The following HECTD4 variants were observed in gnomAD, a reference collection of about 807,000 sequenced individuals.
The protein encoded by HECTD4 is HECT domain E3 ubiquitin protein ligase 4.
Under a neutral mutation model 471.5 loss-of-function variants are expected in HECTD4, and 114 were observed. The ratio of observed to expected loss-of-function variants is 0.24; its 90% CI spans 0.21 to 0.28. The LOEUF is 0.28. Among genes scored for constraint, HECTD4 ranks in the 10% least tolerant of loss-of-function variants. HECTD4 has a pLI of 1.00. For missense variants in HECTD4, 3,866 were observed against 5,651.5 expected, an observed-to-expected ratio of 0.68 and a Z score of 10.13; for synonymous variants, 2,012 against 2,256.0, an observed-to-expected ratio of 0.89 and a Z score of 3.07.
Position 112,213,789 on chromosome 12 carries a change from A to G in HECTD4, c.7466-1139T>C, listed in dbSNP as rs985906999. On this transcript the variant is annotated intron_variant, in intron 48 of 75. Coordinates refer to ENST00000682272, the MANE Select transcript of HECTD4 (RefSeq NM_001388303.1). The surrounding 1 kb of genome is among the most constrained non-coding windows in gnomAD (Gnocchi z 4.0). ...GTAATCCCAGCATTTTGGGAGGCCAAGGTGGGAAGATTGCTTGAGCCCAGG... is the reference window on the plus strand; with the variant it reads ...GTAATCCCAGCATTTTGGGAGGCCAGGGTGGGAAGATTGCTTGAGCCCAGG... Among the ~76,000 whole-genome samples, 2 of 151,010 alleles carry G rather than the reference A, an allele frequency of 1.3e-5. No homozygotes were observed. The highest frequency in any genetic ancestry group is 6.6e-5 in the Admixed American group (1 of 15,148).
chr12:112,175,273 T>G (rs2031395071), intron 66 of HECTD4, among the ~76,000 whole-genome samples: 1 of 152,194 alleles, frequency 6.6e-6, no homozygotes, highest in Non-Finnish European at 1.5e-5. Context: ...CGTGGGCTCC[T>G]AATCCAACAG....
At chr12:112,293,976 T>C (rs977714662) in intron 7 of HECTD4, among the ~76,000 whole-genome samples, 4 of 152,190 alleles carry the variant, frequency 2.6e-5, no homozygotes, top group Admixed American at 6.5e-5. Context: ...CATAGCTCAC[T>C]ACAGCCTTGA....
intron 68 of HECTD4, chr12:112,170,752 T>C (rs2031183500): frequency 4.2e-6 from 2 of 474,530 alleles, no homozygotes; most frequent in Non-Finnish European, 7.5e-6. Context: ...TGTGCACACA[T>C]GTGTCTGTTT....
In HECTD4 at chr12:112,216,789, T is replaced by C. The variant is rs1385061288; in HGVS notation, c.7369A>G (p.Thr2457Ala). The C allele has an allele frequency of 6.2e-7, 1 of 1,613,900 alleles. No individual in the cohort carries two copies. The highest frequency in any genetic ancestry group is 1.7e-5 in the Admixed American group (1 of 60,006). Residue 2457 changes from threonine to alanine, a missense_variant, in exon 47 of 76, where the codon ACT becomes GCT. Around this residue, in one of 16 missense-constraint regions of HECTD4, gnomAD observed 617 missense variants for 915.1 expected, o/e 0.67. Coordinates refer to ENST00000682272, the MANE Select transcript of HECTD4 (RefSeq NM_001388303.1). The stretch of plus-strand genomic sequence containing the variant: ...TTTACTTACTTATGGAAAAGACAAG[T>C]GCCCACTGGATTAGTCCAAGCCCCA... ...RDGAWTNPVG[T>A]CLFHNNGRAV...
At chr12:112,372,322 C>G (rs2036694249) in intron 1 of HECTD4, among the ~76,000 whole-genome samples, 1 of 151,940 alleles carries the variant, frequency 6.6e-6, no homozygotes, top group Non-Finnish European at 1.5e-5. Flanking sequence ...TGCAGTGGCG[C>G]AATCTCGGCT....
At chr12:112,219,842 C>T (rs1386995744) in intron 44 of HECTD4, among the ~76,000 whole-genome samples, 2 of 152,046 alleles carry the variant, frequency 1.3e-5, no homozygotes, top group African/African-American at 2.4e-5. Context: ...TCAGGTGATC[C>T]GCCTGCCTCA....
At chr12:112,369,614 G>C (rs2036631055) in intron 1 of HECTD4, among the ~76,000 whole-genome samples, 1 of 151,970 alleles carries the variant, frequency 6.6e-6, no homozygotes, top group African/African-American at 2.4e-5. Flanking sequence ...CAAAATGCTG[G>C]GATTACAGTG....
At chr12:112,320,456 T>C (rs566560321) in intron 1 of HECTD4, among the ~76,000 whole-genome samples, 1 of 152,088 alleles carries the variant, frequency 6.6e-6, no homozygotes, top group African/African-American at 2.4e-5. Context: ...TCCCAGCACT[T>C]TGGAAGGCAG....
At chr12:112,341,040 G>A (rs756833103) in intron 1 of HECTD4, among the ~76,000 whole-genome samples, 2 of 152,052 alleles carry the variant, frequency 1.3e-5, no homozygotes, top group African/African-American at 2.4e-5. Flanking sequence ...AATCTTTTTC[G>A]AATTAACTCT....
intron 25 of HECTD4, 170 bp downstream of exon 25, chr12:112,249,974 A>G (rs2033844274): frequency 1.6e-6 from 1 of 612,636 alleles, no homozygotes; most frequent in Non-Finnish European, 2.9e-6. Context: ...GAGAGCCCCT[A>G]GTCTGGAATA....
chr12:112,324,046 C>G, intron 1 of HECTD4, among the ~76,000 whole-genome samples: 1 of 46,446 alleles, frequency 2.2e-5, no homozygotes, highest in African/African-American at 2.1e-4. Context: ...TCCTTCCTTC[C>G]TTTCTTTCTT....
At chr12:112,205,886 G>C (rs2032566676) in intron 52 of HECTD4, among the ~76,000 whole-genome samples, 1 of 152,136 alleles carries the variant, frequency 6.6e-6, no homozygotes, top group Admixed American at 6.6e-5. Flanking sequence ...GAGCCACCGT[G>C]CCTGGCCAGG....
chr12:112,379,152 A>G (rs926766960), intron 1 of HECTD4, among the ~76,000 whole-genome samples: 18 of 152,268 alleles, frequency 1.2e-4, no homozygotes, highest in Non-Finnish European at 2.4e-4. Context: ...TATGAAATTT[A>G]AAATAATTGC....
At chr12:112,232,155 G>A (rs1032371301) in intron 38 of HECTD4, among the ~76,000 whole-genome samples, 5 of 152,132 alleles carry the variant, frequency 3.3e-5, no homozygotes, top group Non-Finnish European at 7.4e-5. Context: ...GTTCGAGATT[G>A]AGTCTTGCTC....
In HECTD4 at chr12:112,184,310, C is replaced by T; in HGVS notation, c.10656G>A (p.Leu3552=). ...TCTCTGCATTGTCCAGGGGCTCCCC[C>T]AGGCTGCCCAGGCTGCCCAGGCTGC... ...STGSLGSLGS[L]GEPLDNAETA... is the part of the protein sequence containing the mutation. Residue 3552 remains leucine (L), a synonymous_variant, in exon 61 of 76, where the codon CTG becomes CTA. Coordinates refer to ENST00000682272, the MANE Select transcript of HECTD4 (RefSeq NM_001388303.1). This position sits in a 1 kb window ranked among gnomAD's most constrained non-coding sequence, Gnocchi z 9.1. The T allele has an allele frequency of 6.2e-7, 1 of 1,612,006 alleles. No individual in the cohort carries two copies. The highest frequency in any genetic ancestry group is 2.2e-5 in the East Asian group (1 of 44,730).
At chr12:112,316,663 A>T (rs949662590) in intron 2 of HECTD4, among the ~76,000 whole-genome samples, 3 of 152,226 alleles carry the variant, frequency 2.0e-5, no homozygotes, top group Non-Finnish European at 4.4e-5. Context: ...GAAATGTTCA[A>T]TAAATGTTAG....
Position 112,184,311 on chromosome 12 carries a change from A to G in HECTD4, c.10655T>C (p.Leu3552Pro). Reference protein sequence around the residue: ...STGSLGSLGSLGEPLDNAETA... With the variant: ...STGSLGSLGSPGEPLDNAETA... ...CTCTGCATTGTCCAGGGGCTCCCCC[A>G]GGCTGCCCAGGCTGCCCAGGCTGCC... is the stretch of plus-strand genomic sequence containing the variant. Residue 3552 changes from leucine (L) to proline (P), a missense_variant, in exon 61 of 76, where the codon CTG (leucine) becomes CCG (proline). Around this residue, in one of 16 missense-constraint regions of HECTD4, gnomAD observed 192 missense variants for 189.9 expected, o/e 1.01. Transcript: ENST00000682272. The surrounding 1 kb of genome is among the most constrained non-coding windows in gnomAD (Gnocchi z 9.1). The G allele has an allele frequency of 6.2e-7, 1 of 1,611,962 alleles. No homozygotes were observed.
chr12:112,253,371 C>T lies in HECTD4; in HGVS notation c.3447+672G>A, dbSNP rs545423798. On this transcript the variant is annotated intron_variant, in intron 22 of 75. Coordinates refer to ENST00000682272, the MANE Select transcript of HECTD4 (RefSeq NM_001388303.1). ...AACTCCCGACCTCAGGTGATCTGCC[C>T]GCCACAGCCTCCCAAAGTGCTGGGA... Among the ~76,000 whole-genome samples, 67 of 152,242 alleles carry T rather than the reference C, an allele frequency of 4.4e-4. 1 individual carries two copies. In the South Asian group the frequency reaches 0.012, roughly 28 times the overall value.
At chr12:112,254,303 G>T in intron 21 of HECTD4, 141 bp from the exon 22 acceptor site, 2 of 1,010,212 alleles carry the variant, frequency 2.0e-6, no homozygotes, top group East Asian at 5.3e-5. Flanking sequence ...AATATTTCCC[G>T]ATTTTTTTAG....
Sources: gnomAD v4.1 joint callset for allele counts (sites outside exome capture counted in the v4.1 genomes callset) on GRCh38, gnomAD v4.1.1 for gene constraint, gnomAD v4.1.1 regional missense constraint, Gnocchi (gnomAD v3.1) non-coding constraint, MANE v1.5 for transcripts, NCBI Gene and HGNC (gene_info 2026-07-23, HGNC 2026-07-21) for gene names.